COLGALT2: variants seen among roughly 807,000 people sequenced by gnomAD.
The protein encoded by COLGALT2 is procollagen galactosyltransferase 2.
In COLGALT2, 49 loss-of-function variants were observed where a neutral mutation model predicts 73.4. The observed-to-expected ratio is 0.67, with a 90% CI of 0.53 to 0.85. The LOEUF (loss-of-function observed/expected upper bound fraction) is 0.85. COLGALT2 is among the 40% of genes least tolerant of loss of function. The pLI, the probability that COLGALT2 is intolerant of heterozygous loss-of-function variation, is 0.00. For missense variants in COLGALT2, 722 were observed against 790.2 expected (o/e 0.91, Z 1.03); for synonymous variants, 295 against 307.6 (o/e 0.96, Z 0.43).
intron 1 of COLGALT2, among the ~76,000 whole-genome samples, chr1:183,991,190 T>A (rs1572661550): frequency 6.6e-6 from 1 of 152,338 alleles, no homozygotes; most frequent in South Asian, 2.1e-4. Context: ...ACACTTAACA[T>A]GTGCTTGTTG....
intron 1 of COLGALT2, among the ~76,000 whole-genome samples, chr1:184,034,773 T>C (rs1037421975): frequency 6.6e-6 from 1 of 152,234 alleles, no homozygotes; most frequent in Non-Finnish European, 1.5e-5. Context: ...AATTTATAAA[T>C]AAATGTAATT....
chr1:183,972,152 C>T (rs1572647861), intron 4 of COLGALT2, among the ~76,000 whole-genome samples: 1 of 152,212 alleles, frequency 6.6e-6, no homozygotes, highest in East Asian at 1.9e-4. Context: ...GTTGCTTAGG[C>T]TGCAGTGCAG....
intron 8 of COLGALT2, among the ~76,000 whole-genome samples, chr1:183,949,758 C>T (rs1278999310): frequency 1.3e-5 from 2 of 152,184 alleles, no homozygotes; most frequent in African/African-American, 4.8e-5. Context: ...AACTCTTTTG[C>T]TTCAATGTAT....
At chr1:184,008,684 C>T (rs1345777118) in intron 1 of COLGALT2, among the ~76,000 whole-genome samples, 1 of 152,156 alleles carries the variant, frequency 6.6e-6, no homozygotes, top group Non-Finnish European at 1.5e-5. Context: ...GAGCTATGAT[C>T]ATGTCACTGT....
chr1:183,929,958 A>C (rs1223764718), exon 12 of COLGALT2: 4 of 276,744 alleles, frequency 1.4e-5, no homozygotes, highest in Admixed American at 4.5e-5. Flanking sequence ...TCACAGATCC[A>C]GGCAGCTTCC....
chr1:184,034,287 T>A (rs1649605057), intron 1 of COLGALT2, among the ~76,000 whole-genome samples: 1 of 151,984 alleles, frequency 6.6e-6, no homozygotes, highest in Non-Finnish European at 1.5e-5. Context: ...TCTTTTTTTT[T>A]TTTTTTGCTT....
At chr1:184,000,609 C>A (rs892930020) in intron 1 of COLGALT2, among the ~76,000 whole-genome samples, 1 of 143,634 alleles carries the variant, frequency 7.0e-6, no homozygotes, top group Non-Finnish European at 1.5e-5. Flanking sequence ...GATCCACCCA[C>A]GTGTTTAACA....
intron 1 of COLGALT2, among the ~76,000 whole-genome samples, chr1:183,982,470 G>A (rs1365712046): frequency 2.0e-5 from 3 of 152,172 alleles, no homozygotes; most frequent in Non-Finnish European, 4.4e-5. Context: ...AGCATGCAGA[G>A]AGCAATTCCT....
At chr1:184,019,585 C>CCT (rs2102853869) in intron 1 of COLGALT2, among the ~76,000 whole-genome samples, 1 of 152,204 alleles carries the variant, frequency 6.6e-6, no homozygotes, top group South Asian at 2.1e-4. Context: ...AAATCAAAGC[C>CCT]TCAAAGAATC....
intron 1 of COLGALT2, among the ~76,000 whole-genome samples, chr1:184,013,712 T>C (rs527390715): frequency 2.6e-5 from 4 of 151,956 alleles, no homozygotes; most frequent in African/African-American, 9.7e-5. Flanking sequence ...AAAGGTCATG[T>C]AGCTTCCAGT....
At chr1:183,995,480 G>T (rs1251734652) in intron 1 of COLGALT2, among the ~76,000 whole-genome samples, 1 of 152,230 alleles carries the variant, frequency 6.6e-6, no homozygotes, top group Non-Finnish European at 1.5e-5. Context: ...TGGAGGGAGA[G>T]GAACAGGAGA....
chr1:183,937,378 G>A lies in COLGALT2; in HGVS notation c.*1383C>T. On this transcript the variant is annotated 3_prime_UTR_variant, in exon 12 of 12. Coordinates refer to ENST00000361927, the MANE Select transcript of COLGALT2 (RefSeq NM_015101.4). ...CTATACTAGGATGACAGATTGTGGAGTGGGAAGAAATCGTGTAGTCCAACT... is the reference window on the plus strand; with the variant it reads ...CTATACTAGGATGACAGATTGTGGAATGGGAAGAAATCGTGTAGTCCAACT... 7.0e-6 allele frequency: 7 copies of A among 1,001,592 alleles called. No homozygotes were observed. The highest frequency in any genetic ancestry group is 8.3e-6 in the Non-Finnish European group (7 of 840,936). The allele number at this position is 1,001,592 out of a possible 1,614,324, so 62.0% of individuals were successfully genotyped here.
At chr1:183,955,447 A>C (rs908931467) in intron 6 of COLGALT2, among the ~76,000 whole-genome samples, 1 of 152,174 alleles carries the variant, frequency 6.6e-6, no homozygotes, top group African/African-American at 2.4e-5. Context: ...GGGCAGGTTT[A>C]GGTGTGGGTG....
chr1:183,936,312 A>T lies in COLGALT2; in HGVS notation c.*2449T>A, dbSNP rs1476829147. Reference sequence around the variant, plus strand: ...TCTGGATTGCTGAAGAGATGACTTTAAAAAAAAAGTCACATCTGCGGCTCA... The same window carrying T: ...TCTGGATTGCTGAAGAGATGACTTTTAAAAAAAAGTCACATCTGCGGCTCA... On this transcript the variant is annotated 3_prime_UTR_variant, in exon 12 of 12. Coordinates refer to ENST00000361927, the MANE Select transcript of COLGALT2 (RefSeq NM_015101.4). 4.1e-6 allele frequency: 4 copies of T among 977,822 alleles called. No homozygotes were observed. In the African/African-American group the frequency reaches 5.3e-5, roughly 13 times the overall value. 60.6% of individuals were successfully genotyped at this position (977,822 alleles called of 1,614,324 possible).
At chr1:183,990,939 GT>G (rs1386974732) in intron 1 of COLGALT2, among the ~76,000 whole-genome samples, 4 of 152,228 alleles carry the variant, frequency 2.6e-5, no homozygotes, top group Non-Finnish European at 5.9e-5. Flanking sequence ...CTGAAATTAT[GT>G]GTTTTTCCAG....
chr1:183,932,340 A>G (rs1438865030), downstream of COLGALT2, among the ~76,000 whole-genome samples: 1 of 152,168 alleles, frequency 6.6e-6, no homozygotes, highest in Non-Finnish European at 1.5e-5. Flanking sequence ...CTTGAGGTTC[A>G]TGCTGTATTA....
At chr1:184,036,788 G>T (rs56149803) in intron 1 of COLGALT2, among the ~76,000 whole-genome samples, 21,700 of 152,182 alleles carry the variant, frequency 0.14, 1,845 homozygotes, top group Non-Finnish European at 0.19. Flanking sequence ...CCCCTTGAGG[G>T]GTGTCCCCCA....
intron 1 of COLGALT2, among the ~76,000 whole-genome samples, chr1:183,997,672 C>T (rs113223342): frequency 6.6e-6 from 1 of 152,298 alleles, no homozygotes; most frequent in African/African-American, 2.4e-5. Context: ...GCCCATGGGC[C>T]GTGGGTTGGA....
intron 1 of COLGALT2, among the ~76,000 whole-genome samples, chr1:183,981,389 A>G (rs1671344965): frequency 6.6e-6 from 1 of 152,134 alleles, no homozygotes; most frequent in African/African-American, 2.4e-5. Flanking sequence ...GCGGTGGCTC[A>G]TGCCCGCAAT....
Sources: gnomAD v4.1 joint callset for allele counts (sites outside exome capture counted in the v4.1 genomes callset) on GRCh38, gnomAD v4.1.1 for gene constraint, MANE v1.5 for transcripts, NCBI Gene and HGNC (gene_info 2026-07-23, HGNC 2026-07-21) for gene names.